The following PDGFD variants were observed in gnomAD, a reference collection of about 807,000 sequenced individuals.
The protein encoded by PDGFD is platelet-derived growth factor D.
A neutral mutation model predicts 44.7 loss-of-function variants in PDGFD; 30 were observed. That is an observed-to-expected ratio of 0.67 (90% CI 0.50 to 0.91). The LOEUF is 0.91. Ranked by LOEUF, PDGFD falls within the 40% of genes least tolerant of loss-of-function variation. PDGFD has a pLI of 0.00. For missense variants in PDGFD, 445 were observed against 457.8 expected, an observed-to-expected ratio of 0.97 and a Z score of 0.25; for synonymous variants, 173 against 168.4, an observed-to-expected ratio of 1.03 and a Z score of -0.21.
intron 3 of PDGFD, among the ~76,000 whole-genome samples, chr11:103,983,100 C>G (rs1004353293): frequency 8.6e-5 from 13 of 151,712 alleles, no homozygotes; most frequent in Admixed American, 4.6e-4. Flanking sequence ...AAAAAGACCC[C>G]AAACAGCCAA....
chr11:104,034,768 G>A (rs260797), intron 1 of PDGFD, among the ~76,000 whole-genome samples: 1 of 151,288 alleles, frequency 6.6e-6, no homozygotes, highest in African/African-American at 2.4e-5. Context: ...TCAGCCTCCC[G>A]AGTAGCTGGG....
chr11:104,121,016 T>A (rs1271546231), intron 1 of PDGFD, among the ~76,000 whole-genome samples: 2 of 152,044 alleles, frequency 1.3e-5, no homozygotes, highest in East Asian at 3.9e-4. Flanking sequence ...GACATTTAAA[T>A]GACAGGAAGC....
rs140490219 is a variant in PDGFD at position 103,927,763 on chromosome 11, G to A, written c.773-637C>T. ...CATAGTGGTTAAGTGCTTTGGAGCCGCAGTAAAGTTACAACTGCCTTCAAT... is the reference window on the plus strand; with the variant it reads ...CATAGTGGTTAAGTGCTTTGGAGCCACAGTAAAGTTACAACTGCCTTCAAT... On this transcript the variant is annotated intron_variant, in intron 5 of 6. Transcript: ENST00000393158. Among the ~76,000 whole-genome samples the A allele has an allele frequency of 4.8e-3, 736 of 152,262 alleles. 7 individuals are homozygous for A. The highest frequency in any genetic ancestry group is 0.016 in the African/African-American group (660 of 41,550).
intron 1 of PDGFD, among the ~76,000 whole-genome samples, chr11:104,114,453 T>C (rs1861603104): frequency 6.6e-6 from 1 of 152,100 alleles, no homozygotes; most frequent in Non-Finnish European, 1.5e-5. Context: ...ACTGATCTAT[T>C]GGTATATTGT....
intron 1 of PDGFD, among the ~76,000 whole-genome samples, chr11:104,108,905 C>T (rs1475551217): frequency 6.6e-6 from 1 of 152,090 alleles, no homozygotes; most frequent in Admixed American, 6.5e-5. Flanking sequence ...TTTGTAGGGA[C>T]ATGGATGAAG....
chr11:103,913,665 A>G (rs1858067588), intron 6 of PDGFD, among the ~76,000 whole-genome samples: 1 of 152,212 alleles, frequency 6.6e-6, no homozygotes, highest in African/African-American at 2.4e-5. Context: ...GCAGAACTGA[A>G]GGAGATAGAG....
intron 1 of PDGFD, among the ~76,000 whole-genome samples, chr11:104,014,133 G>A (rs1178524273): frequency 4.6e-5 from 7 of 152,086 alleles, no homozygotes; most frequent in Non-Finnish European, 7.4e-5. Flanking sequence ...AAACATTTTT[G>A]CCATCCCTTT....
At chr11:104,138,895 G>A (rs1332966846) in intron 1 of PDGFD, among the ~76,000 whole-genome samples, 9 of 152,162 alleles carry the variant, frequency 5.9e-5, no homozygotes, top group Admixed American at 5.2e-4. Context: ...CCCAGAAGAT[G>A]GGACTACAGG....
At chr11:104,096,910 ATGGTTAGGGCT>A (rs1234538798) in intron 1 of PDGFD, among the ~76,000 whole-genome samples, 2 of 152,338 alleles carry the variant, frequency 1.3e-5, no homozygotes, top group East Asian at 3.9e-4. Context: ...GATGGATTAT[ATGGTTAGGGCT>A]TGAATAATCA....
At chr11:104,037,683 T>C in intron 1 of PDGFD, 1 of 1,614,154 alleles carries the variant, frequency 6.2e-7, no homozygotes. Flanking sequence ...GACGGTGGGC[T>C]GGGGTTGCTA....
intron 1 of PDGFD, among the ~76,000 whole-genome samples, chr11:104,124,371 T>C (rs1861815442): frequency 6.6e-6 from 1 of 152,102 alleles, no homozygotes; most frequent in Non-Finnish European, 1.5e-5. Context: ...GAACGGGCTG[T>C]ATAATATGGT....
intron 3 of PDGFD, among the ~76,000 whole-genome samples, chr11:103,981,809 G>A (rs894304115): frequency 6.6e-6 from 1 of 151,688 alleles, no homozygotes. Flanking sequence ...TTATTAAGAA[G>A]CCCTAAGTCT....
At chr11:104,114,193 C>T (rs1371330493) in intron 1 of PDGFD, among the ~76,000 whole-genome samples, 1 of 151,934 alleles carries the variant, frequency 6.6e-6, no homozygotes, top group Non-Finnish European at 1.5e-5. Context: ...AGATTTTCTC[C>T]TATATTATCT....
At chr11:104,054,930 A>G (rs1483762607) in intron 1 of PDGFD, among the ~76,000 whole-genome samples, 2 of 152,230 alleles carry the variant, frequency 1.3e-5, no homozygotes, top group Non-Finnish European at 2.9e-5. Context: ...TAACCTTTCC[A>G]AGCCTAATGT....
intron 1 of PDGFD, among the ~76,000 whole-genome samples, chr11:104,082,801 T>A (rs1181433552): frequency 6.6e-6 from 1 of 152,008 alleles, no homozygotes; most frequent in African/African-American, 2.4e-5. Flanking sequence ...CCGGCTAATA[T>A]TTTAAATTTT....
intron 1 of PDGFD, among the ~76,000 whole-genome samples, chr11:104,102,200 G>A (rs1481147484): frequency 3.3e-5 from 5 of 152,216 alleles, no homozygotes; most frequent in African/African-American, 1.2e-4. Flanking sequence ...CTAATATCCA[G>A]AATCTACAAT....
At chr11:103,986,824 C>T (rs1310641986) in intron 3 of PDGFD, among the ~76,000 whole-genome samples, 1 of 152,216 alleles carries the variant, frequency 6.6e-6, no homozygotes. Context: ...CTGGAGGCTG[C>T]AAGATTCTCA....
rs541870301 is a variant in PDGFD at position 104,042,147 on chromosome 11, G to A, written c.125-41892C>T. ...AACAAACAAAACAATGCAAGTCTGG[G>A]TTGATTTTAACTGATTCTGTCTTAG... On this transcript the variant is annotated intron_variant, in intron 1 of 6. Coordinates refer to ENST00000393158, the MANE Select transcript of PDGFD (RefSeq NM_025208.5). Among the ~76,000 whole-genome samples, 4 of 152,284 alleles carry A rather than the reference G, an allele frequency of 2.6e-5. No homozygotes were observed. The East Asian group carries it at 5.8e-4, about 22-fold the overall frequency.
rs1198529368 is a variant in PDGFD, at chr11:103,925,716, C to CACACATAT, written c.987+1195_987+1196insATATGTGT. Among the ~76,000 whole-genome samples the CACACATAT allele has an allele frequency of 1.4e-3, 174 of 122,774 alleles. 3 individuals are homozygous for CACACATAT. The highest frequency in any genetic ancestry group is 5.0e-3 in the African/African-American group (157 of 31,094). The allele number at this position is 122,774 out of a possible 152,430, so 80.5% of individuals were successfully genotyped here. ...ATATATATACACAGACACACACACACATATATATATATATATATATGTAAT... is the reference window on the plus strand; with the variant it reads ...ATATATATACACAGACACACACACACACACATATATATATATATATATATATATGTAAT... On this transcript the variant is annotated intron_variant, in intron 6 of 6. Transcript: ENST00000393158.
Sources: allele counts gnomAD v4.1 joint callset (sites outside exome capture counted in the v4.1 genomes callset), GRCh38; gene constraint gnomAD v4.1.1; transcripts MANE v1.5; gene names NCBI Gene and HGNC (gene_info 2026-07-23, HGNC 2026-07-21).